The following CCDC194 variants were observed in gnomAD, a reference collection of about 807,000 sequenced individuals.
The protein encoded by CCDC194 is coiled-coil domain-containing protein 194.
Under a neutral mutation model 4.9 loss-of-function variants are expected in CCDC194, and 8 were observed. The observed-to-expected ratio is 1.65, with a 90% confidence interval of 0.97 to 2.97. The LOEUF (loss-of-function observed/expected upper bound fraction) is 2.97, where lower values mean the gene tolerates loss of function less well. Ranked by LOEUF, CCDC194 falls within the 30% of genes most tolerant of loss-of-function variation. The pLI, the probability that CCDC194 is intolerant of heterozygous loss-of-function variation, is 0.00. For missense variants in CCDC194, 52 were observed against 43.1 expected (o/e 1.21, Z -0.58); for synonymous variants, 13 against 17.0 (o/e 0.76, Z 0.58).
chr19:17,387,325 C>A (rs2074639386), downstream of CCDC194, among the ~76,000 whole-genome samples: 1 of 152,158 alleles, frequency 6.6e-6, no homozygotes. Flanking sequence ...GATTCCCAGA[C>A]CCCTGGTTCG....
At chr19:17,389,276 A>G (rs1047170401), downstream of CCDC194, among the ~76,000 whole-genome samples, 2 of 152,224 alleles carry the variant, frequency 1.3e-5, no homozygotes, top group African/African-American at 4.8e-5. Context: ...TATGCCAAAT[A>G]TAAAGGTTAA....
chr19:17,391,378 T>TCCCC, intron 2 of CCDC194, 35 bp from the exon 3 acceptor site: 1 of 501,590 alleles, frequency 2.0e-6, no homozygotes, highest in Non-Finnish European at 3.5e-6. Context: ...GGCTGGAGAC[T>TCCCC]CCCGCGCCCA....
At chr19:17,387,657 G>A (rs2074640482), downstream of CCDC194, among the ~76,000 whole-genome samples, 1 of 152,012 alleles carries the variant, frequency 6.6e-6, no homozygotes, top group South Asian at 2.1e-4. Flanking sequence ...GGCGGAGGTT[G>A]CAGTGAGCTG....
exon 2 of CCDC194, chr19:17,391,777 T>C (rs1426002106): frequency 6.5e-7 from 1 of 1,535,518 alleles, no homozygotes; most frequent in East Asian, 2.4e-5. Flanking sequence ...TCGGCCCCCA[T>C]CTGGGTCCCC....
chr19:17,388,373 CTCTT>C (rs762964529), downstream of CCDC194, among the ~76,000 whole-genome samples: 4 of 149,702 alleles, frequency 2.7e-5, no homozygotes, highest in South Asian at 4.2e-4. Flanking sequence ...CTACTTTCTT[CTCTT>C]TCTTTCTTTT....
At chr19:17,388,861 G>C (rs895764088), downstream of CCDC194, among the ~76,000 whole-genome samples, 1 of 151,102 alleles carries the variant, frequency 6.6e-6, no homozygotes, top group Non-Finnish European at 1.5e-5. Flanking sequence ...TTTGAGACCG[G>C]GTCTTGCTCT....
chr19:17,388,802 A>AT (rs2074644588), downstream of CCDC194, among the ~76,000 whole-genome samples: 1 of 150,590 alleles, frequency 6.6e-6, no homozygotes, highest in African/African-American at 2.4e-5. Context: ...TGTGCCCAGC[A>AT]TGATTTTCTT....
intron 3 of CCDC194, 122 bp downstream of exon 3, chr19:17,391,086 GCCC>G (rs3078449): frequency 0.06 from 21,735 of 360,574 alleles, 815 homozygotes; most frequent in Non-Finnish European, 0.082. Flanking sequence ...AATCAACAAT[GCCC>G]CCCCCCCACC....
downstream of CCDC194, among the ~76,000 whole-genome samples, chr19:17,387,724 GA>G (rs1281227644): frequency 2.0e-5 from 3 of 148,704 alleles, no homozygotes; most frequent in South Asian, 2.1e-4. Context: ...ATCTCAAAAA[GA>G]AAAAAAAAGA....
downstream of CCDC194, among the ~76,000 whole-genome samples, chr19:17,389,832 G>C (rs1445785493): frequency 4.6e-5 from 7 of 152,180 alleles, no homozygotes; most frequent in Non-Finnish European, 1.0e-4. Context: ...GGGCGTAGTG[G>C]TGGGGGCCTG....
chr19:17,391,495 C>A, intron 2 of CCDC194, 152 bp from the exon 3 acceptor site: 2 of 757,594 alleles, frequency 2.6e-6, no homozygotes, highest in Non-Finnish European at 4.2e-6. Flanking sequence ...TTCCACGTGC[C>A]ATTTGCATAG....
intron 2 of CCDC194, 78 bp from the exon 3 acceptor site, chr19:17,391,421 A>C: frequency 2.0e-6 from 1 of 495,072 alleles, no homozygotes; most frequent in Non-Finnish European, 3.5e-6. Context: ...CCAAGTTGAT[A>C]GTCTGCATGC....
At chr19:17,387,935 G>A (rs946042982), downstream of CCDC194, among the ~76,000 whole-genome samples, 1 of 151,676 alleles carries the variant, frequency 6.6e-6, no homozygotes. Flanking sequence ...CACCCAGGCT[G>A]GAGTGCAGTG....
At chr19:17,392,094 A>T (rs1022960679) in intron 1 of CCDC194, 8 of 400,466 alleles carry the variant, frequency 2.0e-5, no homozygotes, top group South Asian at 5.1e-5. Flanking sequence ...ACCCTAAGCC[A>T]CCAGAAAGTG....
intron 1 of CCDC194, among the ~76,000 whole-genome samples, chr19:17,392,870 C>T (rs761448717): frequency 2.6e-5 from 4 of 152,268 alleles, no homozygotes; most frequent in Admixed American, 6.5e-5. Context: ...TTAGTAGAGA[C>T]GGGTTTTCAC....
rs1003630427 is a variant in CCDC194, at chr19:17,391,749, C to G, written c.421+1G>C. The G allele has an allele frequency of 1.2e-5, 18 of 1,535,618 alleles. No homozygotes were observed. The African/African-American group carries it at 1.6e-4, about 14-fold the overall frequency. ...GCCCACTCCCTTACACCCCAACGCACCTGTCAGCGCCCCGTTCTCGGCCCC... is the reference window on the plus strand; with the variant it reads ...GCCCACTCCCTTACACCCCAACGCAGCTGTCAGCGCCCCGTTCTCGGCCCC... On this transcript the variant is annotated splice_donor_variant, in intron 2 of 3. Transcript: ENST00000636079. LOFTEE classifies it high-confidence loss of function.
chr19:17,391,945 C>CTT, intron 1 of CCDC194, 99 bp from the exon 2 acceptor site: 1 of 1,131,870 alleles, frequency 8.8e-7, no homozygotes, highest in Non-Finnish European at 1.2e-6. Flanking sequence ...ACCTGCGACC[C>CTT]TGTGTCCTGA....
exon 3 of CCDC194, chr19:17,391,323 C>T: frequency 2.3e-6 from 1 of 428,558 alleles, no homozygotes; most frequent in Non-Finnish European, 4.1e-6. Context: ...GTGGCCGCCG[C>T]CTCCCAGCGC....
downstream of CCDC194, among the ~76,000 whole-genome samples, chr19:17,389,295 A>G (rs1295303871): frequency 6.6e-6 from 1 of 152,236 alleles, no homozygotes; most frequent in East Asian, 1.9e-4. Context: ...AAATTTAGAT[A>G]ACAAGCTAAA....
Sources: allele counts gnomAD v4.1 joint callset (sites outside exome capture counted in the v4.1 genomes callset), GRCh38; gene constraint gnomAD v4.1.1; transcripts MANE v1.5; gene names NCBI Gene and HGNC (gene_info 2026-07-23, HGNC 2026-07-21).